WSCD1: variants seen among roughly 807,000 people sequenced by gnomAD.
WSCD1 encodes WSC domain sialate O sulfotransferase 1.
In WSCD1, 41 loss-of-function variants were observed where a neutral mutation model predicts 60.4. The ratio of observed to expected loss-of-function variants is 0.68; its 90% CI spans 0.53 to 0.88. WSCD1 has a LOEUF of 0.88. Ranked by LOEUF, WSCD1 falls within the 40% of genes least tolerant of loss-of-function variation. WSCD1 has a pLI of 0.00. For synonymous variants in WSCD1, 361 were observed against 332.5 expected (o/e 1.09, Z -0.93); for missense variants, 784 against 796.2 (o/e 0.98, Z 0.18).
intron 4 of WSCD1, among the ~76,000 whole-genome samples, chr17:6,094,593 A>C (rs902093184): frequency 7.1e-6 from 1 of 140,416 alleles, no homozygotes; most frequent in African/African-American, 2.5e-5. Context: ...GGAAGGGAGG[A>C]AGGAAGGAAG....
intron 1 of WSCD1, among the ~76,000 whole-genome samples, chr17:6,078,582 G>C (rs891898610): frequency 1.3e-5 from 2 of 152,070 alleles, no homozygotes; most frequent in Non-Finnish European, 2.9e-5. Context: ...GTGTGTGTGC[G>C]TGTGTGTGCG....
Position 6,120,720 on chromosome 17 carries a change from C to G in WSCD1, c.*59C>G. 6.6e-7 allele frequency: 1 copy of G among 1,526,654 alleles called. No individual in the cohort carries two copies. Among genetic ancestry groups the G allele is most frequent in the Non-Finnish European group, 8.9e-7 (1 of 1,128,476 alleles). The allele number at this position is 1,526,654 out of a possible 1,614,324, so 94.6% of individuals were successfully genotyped here. On this transcript the variant is annotated 3_prime_UTR_variant, in exon 9 of 9. Coordinates refer to ENST00000317744, the MANE Select transcript of WSCD1 (RefSeq NM_015253.2). ...GACGCAATCGCACCACGGGGCTGCG[C>G]TCCCCACTCTGATGCTCAGGCCCGT...
chr17:6,098,400 A>T lies in WSCD1; in HGVS notation c.849+3177A>T, dbSNP rs34064259. Among the ~76,000 whole-genome samples the T allele has an allele frequency of 7.4e-3, 1,128 of 152,344 alleles. 5 individuals carry two copies. The highest frequency in any genetic ancestry group is 0.027 in the Middle Eastern group (8 of 292). On this transcript the variant is annotated intron_variant, in intron 5 of 8. Coordinates refer to ENST00000317744, the MANE Select transcript of WSCD1 (RefSeq NM_015253.2). The stretch of plus-strand genomic sequence containing the variant: ...GATTGCTGCAGTTTCACACTGGAGC[A>T]TGTGCCAGAAGATACACGCAGGCTC...
chr17:6,081,194 G>T lies in WSCD1; in HGVS notation c.427+109G>T, dbSNP rs772704536. 1.0e-5 allele frequency: 13 copies of T among 1,294,578 alleles called. No homozygotes were observed. The East Asian group carries it at 2.3e-4, about 23-fold the overall frequency. 80.2% of individuals were successfully genotyped at this position (1,294,578 alleles called of 1,614,324 possible). Reference sequence around the variant, plus strand: ...AGGCCTGTGGCCTTCACCGCTAGATGGTTCTTTCCTTCTGCTCTGCAGGAC... The same window carrying T: ...AGGCCTGTGGCCTTCACCGCTAGATTGTTCTTTCCTTCTGCTCTGCAGGAC... On this transcript the variant is annotated intron_variant, in intron 2 of 8. Coordinates refer to ENST00000317744, the MANE Select transcript of WSCD1 (RefSeq NM_015253.2).
intron 4 of WSCD1, among the ~76,000 whole-genome samples, chr17:6,090,908 CAG>C (rs1167080777): frequency 6.6e-6 from 1 of 151,958 alleles, no homozygotes; most frequent in East Asian, 1.9e-4. Flanking sequence ...ATTTTTGAGA[CAG>C]AGTCTCACTC....
chr17:6,082,058 T>A (rs1909314600), intron 2 of WSCD1: 1 of 152,210 alleles, frequency 6.6e-6, no homozygotes, highest in Non-Finnish European at 1.5e-5. Context: ...CTATTATGAC[T>A]TAATAAAAGC....
chr17:6,083,767 A>G lies in WSCD1; in HGVS notation c.427+2682A>G, dbSNP rs540406987. On this transcript the variant is annotated intron_variant, in intron 2 of 8. Coordinates refer to ENST00000317744, the MANE Select transcript of WSCD1 (RefSeq NM_015253.2). ...GCACTCCAGCCTGGGCGACAGAGCA[A>G]GACCCTGTCTCAAAAAATATATATA... is the stretch of plus-strand genomic sequence containing the variant. Among the ~76,000 whole-genome samples the G allele has an allele frequency of 3.3e-3, 496 of 152,288 alleles. 1 individual carries two copies. The highest frequency in any genetic ancestry group is 6.0e-3 in the Non-Finnish European group (407 of 68,026).
chr17:6,079,778 G>T (rs1909106982), intron 1 of WSCD1, among the ~76,000 whole-genome samples: 1 of 152,178 alleles, frequency 6.6e-6, no homozygotes. Flanking sequence ...GTCCTGCCTG[G>T]GCTAGGTACA....
chr17:6,080,698 C>T lies in WSCD1; in HGVS notation c.40C>T (p.Arg14Ter), dbSNP rs759360579. 7 of 1,613,534 alleles carry T rather than the reference C, an allele frequency of 4.3e-6. No individual in the cohort carries two copies. The highest frequency in any genetic ancestry group is 1.3e-5 in the African/African-American group (1 of 74,930). The change falls in exon 2 of 9, where the codon CGA (arginine) becomes TGA (stop). Residue 14 changes from arginine to a stop codon, truncating the protein, a stop_gained. Transcript: ENST00000317744. LOFTEE classifies it high-confidence loss of function. This position sits in a 1 kb window ranked among gnomAD's most constrained non-coding sequence, Gnocchi z 6.6. Reference protein sequence around the residue: ...PFFRLQKFLRRTQFLLFFLTA... With the variant: ...PFFRLQKFLR Reference sequence around the variant, plus strand: ...CTTCCGACTCCAGAAGTTTCTCCGCCGAACACAGTTCCTGCTGTTCTTCCT... The same window carrying T: ...CTTCCGACTCCAGAAGTTTCTCCGCTGAACACAGTTCCTGCTGTTCTTCCT...
At position 6,080,550 on chromosome 17, in the gene WSCD1, C is replaced by T. The variant is rs142552284; in HGVS notation, c.-109C>T. On this transcript the variant is annotated 5_prime_UTR_variant, in exon 2 of 9. Transcript: ENST00000317744. This position sits in a 1 kb window ranked among gnomAD's most constrained non-coding sequence, Gnocchi z 6.6. ...GACCCCAGGCGAGCACAGGCAGGTG[C>T]CAGGAGCCAGGATGCAAGGATGACG... is the stretch of plus-strand genomic sequence containing the variant. 8.9e-4 allele frequency: 1,072 copies of T among 1,200,846 alleles called. 3 individuals are homozygous for T. The African/African-American group carries it at 0.015, about 16-fold the overall frequency. The allele number at this position is 1,200,846 out of a possible 1,614,324, so 74.4% of individuals were successfully genotyped here.
At position 6,120,745 on chromosome 17, in the gene WSCD1, T is replaced by C; in HGVS notation, c.*84T>C. On this transcript the variant is annotated 3_prime_UTR_variant, in exon 9 of 9. Transcript: ENST00000317744. Reference sequence around the variant, plus strand: ...CTCCCCACTCTGATGCTCAGGCCCGTGGCCTCACTGGGACGAACGGTGGGT... The same window carrying C: ...CTCCCCACTCTGATGCTCAGGCCCGCGGCCTCACTGGGACGAACGGTGGGT... 1 of 1,430,524 alleles carries C rather than the reference T, an allele frequency of 7.0e-7. No homozygotes were observed. The highest frequency in any genetic ancestry group is 9.4e-7 in the Non-Finnish European group (1 of 1,060,002). The allele number at this position is 1,430,524 out of a possible 1,614,324, so 88.6% of individuals were successfully genotyped here. A position where few individuals can be genotyped will look rare whatever the true frequency, so the allele number is the denominator to read the frequency against.
At position 6,109,353 on chromosome 17, in the gene WSCD1, A is replaced by G. The variant is rs371748441; in HGVS notation, c.850-254A>G. ...TGCTGCTCATACTGTTGACTTGTCA[A>G]GGAACCAACCAAGTAGGGCTGTGCT... On this transcript the variant is annotated intron_variant, in intron 5 of 8. Coordinates refer to ENST00000317744, the MANE Select transcript of WSCD1 (RefSeq NM_015253.2). Among the ~76,000 whole-genome samples the G allele has an allele frequency of 3.3e-5, 5 of 152,168 alleles. No homozygotes were observed. In the East Asian group the frequency reaches 9.6e-4, roughly 29 times the overall value.
At position 6,114,919 on chromosome 17, in the gene WSCD1, C is replaced by T. The variant is rs1193259617; in HGVS notation, c.1175-3069C>T. Among the ~76,000 whole-genome samples the T allele has an allele frequency of 2.0e-5, 3 of 152,042 alleles. No homozygotes were observed. The East Asian group carries it at 5.8e-4, about 29-fold the overall frequency. On this transcript the variant is annotated intron_variant, in intron 7 of 8. Coordinates refer to ENST00000317744, the MANE Select transcript of WSCD1 (RefSeq NM_015253.2). ...ATGTGTTCTCATTGTTCACCTCCCA[C>T]TTATGAGTGAGAACATGTGGTGTTT...
At chr17:6,069,428 T>TGTGTGA (rs1235555465), upstream of WSCD1, 1 of 229,772 alleles carries the variant, frequency 4.4e-6, no homozygotes, top group African/African-American at 3.9e-5. Context: ...TGTGTGTGTG[T>TGTGTGA]GAGAGAGAGA....
rs1320048002 is a variant in WSCD1 at position 6,122,892 on chromosome 17, G to A, written c.*2231G>A. On this transcript the variant is annotated 3_prime_UTR_variant, in exon 9 of 9. Transcript: ENST00000317744. ...TCAGTGTCCATCCAGTTTACGCTGA[G>A]TCAGTCCATACAGCAAGACACCTGG... The A allele has an allele frequency of 1.3e-5, 2 of 152,238 alleles. No individual in the cohort carries two copies. Among genetic ancestry groups the A allele is most frequent in the Non-Finnish European group, 2.9e-5 (2 of 68,088 alleles). The allele number at this position is 152,238 out of a possible 1,614,324, so 9.4% of individuals were successfully genotyped here.
chr17:6,120,962 C>A lies in WSCD1; in HGVS notation c.*301C>A. 1 of 432,392 alleles carries A rather than the reference C, an allele frequency of 2.3e-6. No individual in the cohort carries two copies. The highest frequency in any genetic ancestry group is 4.2e-6 in the Non-Finnish European group (1 of 237,790). The allele number at this position is 432,392 out of a possible 1,614,324, so 26.8% of individuals were successfully genotyped here. A position where few individuals can be genotyped will look rare whatever the true frequency, so the allele number is the denominator to read the frequency against. ...CACCCACGTGGGGTGTGCCAGGCAC[C>A]CCCAGATACAAATGCAGCCACGCAC... On this transcript the variant is annotated 3_prime_UTR_variant, in exon 9 of 9. Transcript: ENST00000317744.
chr17:6,078,337 A>G (rs766375873), intron 1 of WSCD1, among the ~76,000 whole-genome samples: 4 of 152,118 alleles, frequency 2.6e-5, no homozygotes, highest in Non-Finnish European at 5.9e-5. Context: ...CAACCCCGGG[A>G]TGGTGAGTGC....
At chr17:6,088,195 C>A in intron 3 of WSCD1, 91 bp downstream of exon 3, 1 of 1,102,414 alleles carries the variant, frequency 9.1e-7, no homozygotes, top group Non-Finnish European at 1.3e-6. Flanking sequence ...TACCAGTTGG[C>A]TGTCATAGCA....
intron 8 of WSCD1, 33 bp from the exon 9 acceptor site, chr17:6,120,276 C>G: frequency 6.3e-7 from 1 of 1,593,940 alleles, no homozygotes; most frequent in South Asian, 1.1e-5. Context: ...AGGGCCAGCC[C>G]CCGACTCTGC....
Sources: gnomAD v4.1 joint callset for allele counts (sites outside exome capture counted in the v4.1 genomes callset) on GRCh38, gnomAD v4.1.1 for gene constraint, Gnocchi (gnomAD v3.1) non-coding constraint, MANE v1.5 for transcripts, NCBI Gene and HGNC (gene_info 2026-07-23, HGNC 2026-07-21) for gene names.